Variants in IL17RD observed in about 807,000 individuals in gnomAD.
The protein encoded by IL17RD is interleukin-17 receptor D.
Under a neutral mutation model 80.5 loss-of-function variants are expected in IL17RD, and 52 were observed. That is an observed-to-expected ratio of 0.65 (90% CI 0.52 to 0.81). The LOEUF is 0.81. Among genes scored for constraint, IL17RD ranks in the 40% least tolerant of loss-of-function variants. The pLI, the probability that IL17RD is intolerant of heterozygous loss-of-function variation, is 0.00. For missense variants in IL17RD, 1,024 were observed against 955.1 expected (o/e 1.07, Z -0.95); for synonymous variants, 416 against 391.8 (o/e 1.06, Z -0.73).
At position 57,102,563 on chromosome 3, in the gene IL17RD, T is replaced by G; in HGVS notation, c.895A>C (p.Arg299=). The part of the protein sequence containing the change: ...PVHSPWAGPI[R]AVAITVPLVV... ...AGTGGCACTGTGATGGCCACGGCTC[T>G]GATGGGCCCGGCCCACGGGGAGTGC... The change falls in exon 10 of 13, where the codon AGA becomes CGA. Residue 299 remains arginine, a synonymous_variant. Coordinates refer to ENST00000296318, the MANE Select transcript of IL17RD (RefSeq NM_017563.5). The G allele has an allele frequency of 6.3e-7, 1 of 1,577,526 alleles. No homozygotes were observed. The highest frequency in any genetic ancestry group is 8.7e-7 in the Non-Finnish European group (1 of 1,151,898).
chr3:57,129,589 C>T (rs779519071), intron 1 of IL17RD, among the ~76,000 whole-genome samples: 2 of 152,156 alleles, frequency 1.3e-5, no homozygotes, highest in Non-Finnish European at 2.9e-5. Flanking sequence ...GGGATTGTGA[C>T]GTTGCCATGG....
At chr3:57,132,146 A>C (rs1707622771) in intron 1 of IL17RD, among the ~76,000 whole-genome samples, 1 of 151,954 alleles carries the variant, frequency 6.6e-6, no homozygotes, top group South Asian at 2.1e-4. Flanking sequence ...AGATCACACC[A>C]CCACACTCCA....
At chr3:57,127,247 T>A (rs1393788538) in intron 1 of IL17RD, among the ~76,000 whole-genome samples, 2 of 99,912 alleles carry the variant, frequency 2.0e-5, no homozygotes, top group East Asian at 3.3e-4. Flanking sequence ...TATAAATATA[T>A]ATATAAATAT....
chr3:57,103,222 A>G (rs1054967116), intron 8 of IL17RD, 77 bp from the exon 9 acceptor site: 4 of 1,290,792 alleles, frequency 3.1e-6, no homozygotes, highest in African/African-American at 3.0e-5. Context: ...TGGTAATTTC[A>G]TTCATCTTTT....
At chr3:57,163,861 C>G (rs1304481292) in intron 1 of IL17RD, among the ~76,000 whole-genome samples, 3 of 147,538 alleles carry the variant, frequency 2.0e-5, no homozygotes, top group African/African-American at 7.5e-5. Flanking sequence ...AGCTTAGCTA[C>G]TGAGTCTGAA....
At chr3:57,143,159 G>A (rs1339687131) in intron 1 of IL17RD, among the ~76,000 whole-genome samples, 3 of 152,222 alleles carry the variant, frequency 2.0e-5, no homozygotes, top group African/African-American at 7.2e-5. Context: ...TGGTACGGCA[G>A]AGGAAAACGG....
intron 1 of IL17RD, among the ~76,000 whole-genome samples, chr3:57,135,230 G>A (rs1302662443): frequency 6.6e-6 from 1 of 152,214 alleles, no homozygotes; most frequent in East Asian, 1.9e-4. Context: ...ACAGATTCAA[G>A]CATTTCCTGG....
chr3:57,146,031 ACGCGCG>A (rs772853986), intron 1 of IL17RD, among the ~76,000 whole-genome samples: 2 of 132,760 alleles, frequency 1.5e-5, no homozygotes, highest in African/African-American at 3.0e-5. Context: ...ACACACACTC[ACGCGCG>A]CGCGCGCGCA....
chr3:57,107,380 A>AG (rs1706989393), intron 5 of IL17RD, among the ~76,000 whole-genome samples: 1 of 31,846 alleles, frequency 3.1e-5, no homozygotes, highest in South Asian at 3.0e-3. Flanking sequence ...CTCCATCTCG[A>AG]AAAAAAAAAA....
chr3:57,118,901 C>T (rs1355106660), intron 2 of IL17RD, among the ~76,000 whole-genome samples: 2 of 152,238 alleles, frequency 1.3e-5, no homozygotes, highest in East Asian at 3.9e-4. Flanking sequence ...TCACTAGCCA[C>T]AGCTCACAGA....
intron 2 of IL17RD, among the ~76,000 whole-genome samples, chr3:57,115,459 A>G (rs1185362039): frequency 6.6e-6 from 1 of 152,186 alleles, no homozygotes; most frequent in African/African-American, 2.4e-5. Context: ...GGCACCCCAC[A>G]TTACTCAAAA....
chr3:57,115,334 G>A (rs1448689751), intron 2 of IL17RD, among the ~76,000 whole-genome samples: 1 of 152,130 alleles, frequency 6.6e-6, no homozygotes, highest in Non-Finnish European at 1.5e-5. Flanking sequence ...GTTAGCACAG[G>A]CTACTAACTC....
At chr3:57,151,564 T>C (rs938239194) in intron 1 of IL17RD, among the ~76,000 whole-genome samples, 3 of 152,176 alleles carry the variant, frequency 2.0e-5, no homozygotes, top group African/African-American at 7.2e-5. Flanking sequence ...AAAAGTGTTA[T>C]GAGGCTAAGA....
chr3:57,101,513 C>A (rs1277776208), intron 10 of IL17RD, 150 bp from the exon 11 acceptor site: 3 of 564,142 alleles, frequency 5.3e-6, no homozygotes, highest in Non-Finnish European at 6.2e-6. Context: ...CTGATCATCA[C>A]TTGGAATGGG....
At chr3:57,142,565 T>C (rs1173134650) in intron 1 of IL17RD, 3 of 1,233,080 alleles carry the variant, frequency 2.4e-6, no homozygotes, top group African/African-American at 1.5e-5. Context: ...GGCAGGGAGA[T>C]AGGGCCTGGC....
chr3:57,157,434 C>T (rs923594989), intron 1 of IL17RD, among the ~76,000 whole-genome samples: 3 of 152,134 alleles, frequency 2.0e-5, no homozygotes, highest in Non-Finnish European at 4.4e-5. Context: ...CCACTGTGGA[C>T]GGGGGACTGG....
intron 2 of IL17RD, among the ~76,000 whole-genome samples, chr3:57,115,950 T>G (rs1271940095): frequency 2.6e-5 from 4 of 152,134 alleles, no homozygotes; most frequent in African/African-American, 9.7e-5. Context: ...TTTTTATGAC[T>G]AAAAATGTTC....
rs769056741 is a variant in IL17RD at position 57,097,686 on chromosome 3, C to G, written c.2017G>C (p.Glu673Gln). 18 of 1,605,472 alleles carry G rather than the reference C, an allele frequency of 1.1e-5. No homozygotes were observed. The highest frequency in any genetic ancestry group is 1.5e-5 in the Non-Finnish European group (18 of 1,176,408). Residue 673 changes from glutamate (E) to glutamine (Q), a missense_variant, in exon 12 of 13, where the codon GAG (glutamate) becomes CAG (glutamine). By Grantham distance (29) the Glu-to-Gln change is conservative. Transcript: ENST00000296318. ...GIYDSSVPSS[E>Q]LSLPLMEGLS... ...CCTTCCATCAGTGGCAGAGACAGCT[C>G]GGATGAGGGCACAGACGAGTCATAG...
intron 9 of IL17RD, 56 bp from the exon 10 acceptor site, chr3:57,102,645 G>C: frequency 2.3e-6 from 2 of 885,356 alleles, no homozygotes; most frequent in Non-Finnish European, 3.5e-6. Flanking sequence ...GGTTCAAAGA[G>C]AAACAACTTT....
Sources: gnomAD v4.1 joint callset for allele counts (sites outside exome capture counted in the v4.1 genomes callset) on GRCh38, gnomAD v4.1.1 for gene constraint, MANE v1.5 for transcripts, NCBI Gene and HGNC (gene_info 2026-07-23, HGNC 2026-07-21) for gene names.